The following NPEPPS variants were observed in gnomAD, a reference collection of about 807,000 sequenced individuals.
The protein encoded by NPEPPS is aminopeptidase puromycin sensitive.
NPEPPS carries 14 observed loss-of-function variants against 115.5 expected under a neutral mutation model. That is an observed-to-expected ratio of 0.12 (90% CI 0.08 to 0.19). The LOEUF (loss-of-function observed/expected upper bound fraction) is 0.19. Among genes scored for constraint, NPEPPS ranks in the 10% least tolerant of loss-of-function variants. The probability of loss-of-function intolerance (pLI) is 1.00; values close to 1 mark genes in which losing one functional copy is unlikely to be tolerated. For synonymous variants in NPEPPS, 285 were observed against 390.6 expected (o/e 0.73, Z 3.19); for missense variants, 523 against 1,110.8 (o/e 0.47, Z 7.52).
intron 16 of NPEPPS, 163 bp downstream of exon 16, chr17:47,604,212 G>A: frequency 1.9e-6 from 1 of 530,586 alleles, no homozygotes; most frequent in East Asian, 3.1e-5. Flanking sequence ...ACAAGATTGA[G>A]GCTATATAAT....
chr17:47,562,044 G>C (rs914178530), intron 2 of NPEPPS, among the ~76,000 whole-genome samples: 4 of 152,234 alleles, frequency 2.6e-5, no homozygotes, highest in Non-Finnish European at 4.4e-5. Flanking sequence ...GTGCACCCAG[G>C]GAGGGTATGA....
intron 15 of NPEPPS, chr17:47,603,704 G>T: frequency 2.3e-6 from 1 of 426,978 alleles, no homozygotes; most frequent in South Asian, 5.4e-5. Flanking sequence ...CCTCACTTTG[G>T]CCCTCACAAT....
chr17:47,528,688 G>C (rs1225431697), upstream of NPEPPS, among the ~76,000 whole-genome samples: 3 of 151,750 alleles, frequency 2.0e-5, no homozygotes, highest in Non-Finnish European at 4.4e-5. Flanking sequence ...CTGAAGTGCA[G>C]TGCTGTGATC....
intron 4 of NPEPPS, chr17:47,581,694 T>TTG (rs869031927): frequency 6.6e-6 from 1 of 152,044 alleles, no homozygotes; most frequent in African/African-American, 2.4e-5. Context: ...GTTTGTTTGT[T>TTG]TGTTTGTTTG....
chr17:47,532,658 CAAAAAAAA>C (rs898672269), intron 1 of NPEPPS, among the ~76,000 whole-genome samples: 2 of 51,442 alleles, frequency 3.9e-5, no homozygotes, highest in South Asian at 7.5e-4. Context: ...GACTCCGTCT[CAAAAAAAA>C]AAAAAAAAAA....
At chr17:47,591,263 C>G (rs1912486442) in intron 10 of NPEPPS, among the ~76,000 whole-genome samples, 1 of 151,716 alleles carries the variant, frequency 6.6e-6, no homozygotes. Context: ...CCCAGCTACT[C>G]GGGAGGCTGA....
intron 17 of NPEPPS, among the ~76,000 whole-genome samples, chr17:47,611,771 C>A (rs1913891015): frequency 6.6e-6 from 1 of 152,158 alleles, no homozygotes; most frequent in African/African-American, 2.4e-5. Context: ...CTGTGCCTGG[C>A]CATAACTGTA....
rs1238190572 is a variant in NPEPPS, at chr17:47,546,002, T to G, written c.340+9T>G. 6.6e-7 allele frequency: 1 copy of G among 1,523,814 alleles called. No individual in the cohort carries two copies. Among genetic ancestry groups the G allele is most frequent in the Admixed American group, 2.1e-5 (1 of 47,970 alleles). The allele number at this position is 1,523,814 out of a possible 1,614,324, so 94.4% of individuals were successfully genotyped here. A position where few individuals can be genotyped will look rare whatever the true frequency, so the allele number is the denominator to read the frequency against. ...ACCAGAAGGAGATGAAGGTAAGAGC[T>G]GTTTTCCATTTTAATTTGCTGTCTG... On this transcript the variant is annotated intron_variant, in intron 2 of 22. Coordinates refer to ENST00000322157, the MANE Select transcript of NPEPPS (RefSeq NM_006310.4).
chr17:47,530,491 G>C (rs561331262), upstream of NPEPPS, among the ~76,000 whole-genome samples: 47 of 150,384 alleles, frequency 3.1e-4, no homozygotes, highest in South Asian at 9.6e-3. Context: ...TGAGTAGCTG[G>C]GACTACAGGC....
chr17:47,583,653 G>T (rs1443134069), intron 5 of NPEPPS, among the ~76,000 whole-genome samples: 1 of 151,976 alleles, frequency 6.6e-6, no homozygotes, highest in Non-Finnish European at 1.5e-5. Context: ...AGTGACTCTT[G>T]CTTGTAATCT....
intron 1 of NPEPPS, among the ~76,000 whole-genome samples, chr17:47,544,691 G>A (rs1459299096): frequency 1.3e-5 from 2 of 149,510 alleles, no homozygotes; most frequent in African/African-American, 4.9e-5. Context: ...ATGCCACCTT[G>A]CCTGGCTGAT....
intron 3 of NPEPPS, among the ~76,000 whole-genome samples, chr17:47,572,907 C>T (rs1427947979): frequency 1.3e-5 from 2 of 152,158 alleles, no homozygotes; most frequent in Non-Finnish European, 2.9e-5. Context: ...TCCTGGGTAG[C>T]TGAGATTACA....
chr17:47,594,591 T>TTTATGTTATG (rs71141919), intron 12 of NPEPPS, among the ~76,000 whole-genome samples: 14,230 of 138,172 alleles, frequency 0.1, 834 homozygotes, highest in African/African-American at 0.12. Context: ...TGTATTTTAT[T>TTTATGTTATG]TTATGTTATG....
chr17:47,612,249 A>G (rs548664068), intron 17 of NPEPPS, among the ~76,000 whole-genome samples: 1 of 152,354 alleles, frequency 6.6e-6, no homozygotes, highest in African/African-American at 2.4e-5. Context: ...AGATAAAGTC[A>G]GCAACTTTAT....
Position 47,605,526 on chromosome 17 carries a change from T to A in NPEPPS, c.2069T>A (p.Leu690Gln). ...GTCTTTTCACCTATAGGGGAGAGAC[T>A]GGGCTGGGACCCCAAACCTGGAGAA... is the stretch of plus-strand genomic sequence containing the variant. ...KDVFSPIGER[L>Q]GWDPKPGEGH... The change falls in exon 17 of 23, where the codon CTG (leucine) becomes CAG (glutamine). Residue 690 changes from leucine to glutamine, a missense_variant. Leu to Gln is a moderately radical substitution (Grantham distance 113). Coordinates refer to ENST00000322157, the MANE Select transcript of NPEPPS (RefSeq NM_006310.4). 6.3e-7 allele frequency: 1 copy of A among 1,595,150 alleles called. No homozygotes were observed. The highest frequency in any genetic ancestry group is 8.5e-7 in the Non-Finnish European group (1 of 1,169,656).
At chr17:47,559,865 C>T (rs1175320532) in intron 2 of NPEPPS, among the ~76,000 whole-genome samples, 7 of 152,160 alleles carry the variant, frequency 4.6e-5, no homozygotes, top group Admixed American at 4.6e-4. Context: ...CACCTCGCCT[C>T]CCAAAATGCT....
At chr17:47,610,603 C>G (rs887026426) in intron 17 of NPEPPS, among the ~76,000 whole-genome samples, 2 of 151,776 alleles carry the variant, frequency 1.3e-5, no homozygotes, top group Non-Finnish European at 2.9e-5. Context: ...AGGATGGTCT[C>G]GAGCTGTTGA....
intron 1 of NPEPPS, among the ~76,000 whole-genome samples, chr17:47,525,735 T>C (rs1245415437): frequency 2.0e-5 from 3 of 152,214 alleles, no homozygotes; most frequent in African/African-American, 7.2e-5. Flanking sequence ...GCATACATCT[T>C]GTACATACAG....
rs1230954441 is a variant in NPEPPS, at chr17:47,601,949, A to C, written c.1740+202A>C. The C allele has an allele frequency of 9.0e-6, 5 of 558,602 alleles. No individual in the cohort carries two copies. In the African/African-American group the frequency reaches 9.8e-5, roughly 11 times the overall value. 34.6% of individuals were successfully genotyped at this position (558,602 alleles called of 1,614,324 possible). A position where few individuals can be genotyped will look rare whatever the true frequency, so the allele number is the denominator to read the frequency against. ...AGGTAGTGGTAGAGAAGCAGATCCA[A>C]AGGCATAGGACTAAGGAGGAGAAGA... On this transcript the variant is annotated intron_variant, in intron 15 of 22. Transcript: ENST00000322157.
Sources: allele counts gnomAD v4.1 joint callset (sites outside exome capture counted in the v4.1 genomes callset), GRCh38; gene constraint gnomAD v4.1.1; transcripts MANE v1.5; gene names NCBI Gene and HGNC (gene_info 2026-07-23, HGNC 2026-07-21).